TOMM20L: variants seen among roughly 807,000 people sequenced by gnomAD.
TOMM20L encodes TOMM20-like protein 1.
Under a neutral mutation model 20.4 loss-of-function variants are expected in TOMM20L, and 19 were observed. That is an observed-to-expected ratio of 0.93 (90% CI 0.65 to 1.36). The LOEUF is 1.36. TOMM20L is among the 40% of genes most tolerant of loss of function. The pLI, the probability that TOMM20L is intolerant of heterozygous loss-of-function variation, is 0.00. For missense variants in TOMM20L, 218 were observed against 203.7 expected (o/e 1.07, Z -0.43); for synonymous variants, 75 against 79.6 (o/e 0.94, Z 0.30).
chr14:58,404,921 T>C (rs1387346003), intron 3 of TOMM20L, among the ~76,000 whole-genome samples: 1 of 152,194 alleles, frequency 6.6e-6, no homozygotes, highest in Non-Finnish European at 1.5e-5. Context: ...CAGTGAAGCT[T>C]ATGTCTAAAG....
chr14:58,413,458 T>C (rs1322856422), downstream of TOMM20L, among the ~76,000 whole-genome samples: 2 of 152,222 alleles, frequency 1.3e-5, no homozygotes, highest in Non-Finnish European at 2.9e-5. Flanking sequence ...GAATTATACA[T>C]TCTACTACAC....
Position 58,408,517 on chromosome 14 carries a change from T to C in TOMM20L, c.406-12T>C, listed in dbSNP as rs776957681. ...AAATGATTAGCAAGTAACTATTTTA[T>C]GTATTCACCAGCAATTTGAGGCAGA... is the stretch of plus-strand genomic sequence containing the variant. On this transcript the variant is annotated splice_polypyrimidine_tract_variant and intron_variant, in intron 4 of 4. Transcript: ENST00000360945. 3.7e-6 allele frequency: 6 copies of C among 1,612,866 alleles called. No homozygotes were observed. The highest frequency in any genetic ancestry group is 1.6e-4 in the Middle Eastern group (1 of 6,080).
downstream of TOMM20L, chr14:58,409,166 G>C: frequency 1.2e-6 from 2 of 1,610,282 alleles, no homozygotes; most frequent in Non-Finnish European, 1.7e-6. Flanking sequence ...CTGAACAGGT[G>C]GTCTAGGAAT....
At chr14:58,407,189 C>A in intron 3 of TOMM20L, 137 bp from the exon 4 acceptor site, 1 of 770,838 alleles carries the variant, frequency 1.3e-6, no homozygotes, top group Non-Finnish European at 2.0e-6. Flanking sequence ...TTGTACTCTA[C>A]TCTTCACAAG....
downstream of TOMM20L, among the ~76,000 whole-genome samples, chr14:58,413,434 A>G (rs2036285434): frequency 6.6e-6 from 1 of 152,236 alleles, no homozygotes; most frequent in Non-Finnish European, 1.5e-5. Flanking sequence ...CAGAGTTTTA[A>G]AAGAAAGTTA....
chr14:58,412,590 A>C (rs1033694649), downstream of TOMM20L, among the ~76,000 whole-genome samples: 3 of 151,996 alleles, frequency 2.0e-5, no homozygotes, highest in African/African-American at 7.2e-5. Flanking sequence ...AAGATGGTGA[A>C]GTTTGGGCTT....
chr14:58,407,215 CTT>C lies in TOMM20L; in HGVS notation c.263-109_263-108del, dbSNP rs1015107290. 11 of 1,043,552 alleles carry C rather than the reference CTT, an allele frequency of 1.1e-5. No homozygotes were observed. In the African/African-American group the frequency reaches 1.5e-4, roughly 14 times the overall value. 64.6% of individuals were successfully genotyped at this position (1,043,552 alleles called of 1,614,324 possible). On this transcript the variant is annotated intron_variant, in intron 3 of 4. Coordinates refer to ENST00000360945, the MANE Select transcript of TOMM20L (RefSeq NM_207377.3). ...TCTTCACAAGACTTGTCTAAGTAGT[CTT>C]TAGTTGGATATGCTTTTAATTTTTA...
Position 58,408,633 on chromosome 14 carries a change from A to G in TOMM20L, c.*51A>G, listed in dbSNP as rs2036109671. ...CAGTGAGAATACTATGGTACCATAC[A>G]GTATAAACAACTGCTCAGTGATATT... On this transcript the variant is annotated 3_prime_UTR_variant, in exon 5 of 5. Coordinates refer to ENST00000360945, the MANE Select transcript of TOMM20L (RefSeq NM_207377.3). 1 of 1,526,768 alleles carries G rather than the reference A, an allele frequency of 6.5e-7. No individual in the cohort carries two copies. Among genetic ancestry groups the G allele is most frequent in the Non-Finnish European group, 8.9e-7 (1 of 1,121,002 alleles). 94.6% of individuals were successfully genotyped at this position (1,526,768 alleles called of 1,614,324 possible).
chr14:58,411,377 G>A (rs530651147), downstream of TOMM20L, among the ~76,000 whole-genome samples: 81 of 152,036 alleles, frequency 5.3e-4, 1 homozygote, highest in South Asian at 0.016. Context: ...GGGCCCGGGA[G>A]ATGGAGGTTG....
intron 3 of TOMM20L, among the ~76,000 whole-genome samples, chr14:58,405,766 AGT>A (rs1278599264): frequency 6.6e-6 from 1 of 152,100 alleles, no homozygotes; most frequent in East Asian, 1.9e-4. Flanking sequence ...AGCCTCCCAA[AGT>A]GTTGGGATTA....
intron 4 of TOMM20L, 87 bp downstream of exon 4, chr14:58,407,555 T>C: frequency 7.1e-7 from 1 of 1,408,778 alleles, no homozygotes; most frequent in Non-Finnish European, 9.4e-7. Flanking sequence ...AAAGTATGTG[T>C]GTGAATTGCC....
In TOMM20L at chr14:58,396,360, G is replaced by T; in HGVS notation, c.180+19G>T. The T allele has an allele frequency of 6.2e-7, 1 of 1,612,772 alleles. No individual in the cohort carries two copies. The highest frequency in any genetic ancestry group is 1.1e-5 in the South Asian group (1 of 90,994). On this transcript the variant is annotated intron_variant, in intron 2 of 4. Coordinates refer to ENST00000360945, the MANE Select transcript of TOMM20L (RefSeq NM_207377.3). ...CACGCAGGTGCAGTGCTTTCGATCC[G>T]CACAGGTAGCTCAGTAGACGCAGGT...
intron 2 of TOMM20L, among the ~76,000 whole-genome samples, chr14:58,401,479 A>G (rs1708902448): frequency 6.6e-6 from 1 of 151,746 alleles, no homozygotes; most frequent in African/African-American, 2.4e-5. Context: ...CTGAAGCAGG[A>G]GAATGGCGTG....
chr14:58,403,493 G>A (rs1031446711), intron 3 of TOMM20L, among the ~76,000 whole-genome samples: 6 of 152,148 alleles, frequency 3.9e-5, no homozygotes, highest in African/African-American at 1.4e-4. Context: ...GTTTAGTGGA[G>A]TGATGCCTGT....
chr14:58,403,111 C>T (rs1176269665), intron 3 of TOMM20L, among the ~76,000 whole-genome samples: 4 of 152,212 alleles, frequency 2.6e-5, no homozygotes, highest in Non-Finnish European at 5.9e-5. Flanking sequence ...AATCCCAACA[C>T]TTTGGGAGGC....
intron 3 of TOMM20L, among the ~76,000 whole-genome samples, chr14:58,404,968 A>ATT (rs536048633): frequency 5.2e-4 from 75 of 143,262 alleles, no homozygotes; most frequent in African/African-American, 1.6e-3. Flanking sequence ...CCCCCTAGCA[A>ATT]TTTTTTTTTT....
At chr14:58,398,581 A>G (rs2035954130) in intron 2 of TOMM20L, 1 of 152,208 alleles carries the variant, frequency 6.6e-6, no homozygotes, top group African/African-American at 2.4e-5. Context: ...AAATAAGACA[A>G]TTCTGGTTCC....
intron 3 of TOMM20L, among the ~76,000 whole-genome samples, chr14:58,404,099 GTATATATA>G (rs1491246989): frequency 4.4e-5 from 1 of 22,928 alleles, no homozygotes; most frequent in Non-Finnish European, 8.3e-5. Context: ...ACATATATAT[GTATATATA>G]TATATATATA....
At position 58,396,190 on chromosome 14, in the gene TOMM20L, C is replaced by A. The variant is rs180747196; in HGVS notation, c.136+97C>A. On this transcript the variant is annotated intron_variant, in intron 1 of 4. Coordinates refer to ENST00000360945, the MANE Select transcript of TOMM20L (RefSeq NM_207377.3). ...CACTGAGAGGCCGGGCCGTGAGTGC[C>A]TCAGCCTCTGCCGAGGGGCCCGCGG... 887 of 1,507,624 alleles carry A rather than the reference C, an allele frequency of 5.9e-4. 5 individuals are homozygous for A. Among genetic ancestry groups the A allele is most frequent in the South Asian group, 2.3e-3 (182 of 80,414 alleles). The allele number at this position is 1,507,624 out of a possible 1,614,324, so 93.4% of individuals were successfully genotyped here. A position where few individuals can be genotyped will look rare whatever the true frequency, so the allele number is the denominator to read the frequency against.
Sources: gnomAD v4.1 joint callset for allele counts (sites outside exome capture counted in the v4.1 genomes callset) on GRCh38, gnomAD v4.1.1 for gene constraint, MANE v1.5 for transcripts, NCBI Gene and HGNC (gene_info 2026-07-23, HGNC 2026-07-21) for gene names.